Variants in ADAMTS17 observed in about 807,000 individuals in gnomAD.
The protein encoded by ADAMTS17 is ADAM metallopeptidase with thrombospondin type 1 motif 17.
In ADAMTS17, 113 loss-of-function variants were observed where a neutral mutation model predicts 141.5. That is an observed-to-expected ratio of 0.80 (90% CI 0.69 to 0.93). The LOEUF is 0.93. Among genes scored for constraint, ADAMTS17 ranks in the 40% least tolerant of loss-of-function variants. The probability of loss-of-function intolerance (pLI) is 0.00; values close to 1 mark genes in which losing one functional copy is unlikely to be tolerated. For synonymous variants in ADAMTS17, 768 were observed against 630.6 expected, an observed-to-expected ratio of 1.22 and a Z score of -3.27; for missense variants, 1,659 against 1,517.9, an observed-to-expected ratio of 1.09 and a Z score of -1.54.
chr15:99,997,446 G>A lies in ADAMTS17; in HGVS notation c.2735C>T (p.Ala912Val), dbSNP rs776589136. 4.8e-5 allele frequency: 78 copies of A among 1,613,520 alleles called. No individual in the cohort carries two copies. The highest frequency in any genetic ancestry group is 6.2e-5 in the Non-Finnish European group (73 of 1,179,994). ...GTCCTGGCCTTCACAGCTCTGCACT[G>A]CCGCCGGCCGGGGGCCCGGGCAGTA... ...PLYCPGPRPA[A>V]VQSCEGQDCL... Residue 912 changes from alanine to valine, a missense_variant, in exon 19 of 22, where the codon GCA becomes GTA. By Grantham distance (64) the Ala-to-Val change is moderately conservative (BLOSUM62 0). Coordinates refer to ENST00000268070, the MANE Select transcript of ADAMTS17 (RefSeq NM_139057.4). The surrounding 1 kb of genome is among the most constrained non-coding windows in gnomAD (Gnocchi z 4.7).
chr15:100,133,416 A>C, intron 10 of ADAMTS17, 101 bp from the exon 11 acceptor site: 1 of 1,170,330 alleles, frequency 8.5e-7, no homozygotes, highest in Non-Finnish European at 1.2e-6. Context: ...CAAATTTGGG[A>C]TTCGAAACGT....
chr15:100,281,208 G>A, intron 4 of ADAMTS17, 21 bp downstream of exon 4: 1 of 1,601,426 alleles, frequency 6.2e-7, no homozygotes, highest in Non-Finnish European at 8.5e-7. Context: ...CCCCACATCA[G>A]GACCCCGGCT....
chr15:100,177,272 G>GT (rs201608706), intron 8 of ADAMTS17, among the ~76,000 whole-genome samples: 1 of 152,212 alleles, frequency 6.6e-6, no homozygotes, highest in East Asian at 1.9e-4. Flanking sequence ...CTTTTCTAAT[G>GT]TAAGCACTTA....
At chr15:100,199,731 G>C (rs529821613) in intron 7 of ADAMTS17, among the ~76,000 whole-genome samples, 1 of 152,162 alleles carries the variant, frequency 6.6e-6, no homozygotes, top group Non-Finnish European at 1.5e-5. Context: ...GGAAAGGAAA[G>C]GTAACTCTCC....
rs10664668 is a variant in ADAMTS17 at position 100,152,827 on chromosome 15, C to CTTTTT, written c.1323-70_1323-66dup. ...GCCTAGGTTTTTTTGTTTTCTTTTT[C>CTTTTT]TTTTTTTTTTTGAGTTTTCAGTCAC... On this transcript the variant is annotated intron_variant, in intron 9 of 21. Coordinates refer to ENST00000268070, the MANE Select transcript of ADAMTS17 (RefSeq NM_139057.4). The CTTTTT allele has an allele frequency of 5.6e-6, 8 of 1,423,734 alleles. No individual in the cohort carries two copies. The African/African-American group carries it at 5.8e-5, about 10-fold the overall frequency. 88.2% of individuals were successfully genotyped at this position (1,423,734 alleles called of 1,614,324 possible).
intron 2 of ADAMTS17, among the ~76,000 whole-genome samples, chr15:100,334,183 G>A (rs2046138060): frequency 6.6e-6 from 1 of 152,204 alleles, no homozygotes; most frequent in Non-Finnish European, 1.5e-5. Context: ...AGCTCTCACT[G>A]CAGTGTGGAA....
intron 8 of ADAMTS17, among the ~76,000 whole-genome samples, chr15:100,157,449 G>C (rs2039487647): frequency 6.6e-6 from 1 of 152,130 alleles, no homozygotes; most frequent in Non-Finnish European, 1.5e-5. Flanking sequence ...AATTGCTCAA[G>C]TGACCAACTA....
chr15:99,975,560 T>G lies in ADAMTS17; in HGVS notation c.3127+485A>C, dbSNP rs929326329. ...CTTGTATCACCACTGACCTGGGGCA[T>G]GAACTGGTAAGAGGCCAGGTTCCGA... On this transcript the variant is annotated intron_variant, in intron 21 of 21. Transcript: ENST00000268070. 3.9e-5 allele frequency among the ~76,000 whole-genome samples: 6 copies of G among 152,084 alleles called. No individual in the cohort carries two copies. In the East Asian group the frequency reaches 1.2e-3, roughly 29 times the overall value.
At chr15:100,074,248 G>A (rs554547899) in intron 15 of ADAMTS17, 2 of 152,530 alleles carry the variant, frequency 1.3e-5, no homozygotes, top group African/African-American at 2.4e-5. Flanking sequence ...AATATTCCTG[G>A]AGAGAATGTA....
chr15:100,199,605 CAAT>C (rs780452509), intron 7 of ADAMTS17, among the ~76,000 whole-genome samples, 182 bp from the exon 8 acceptor site: 132 of 152,300 alleles, frequency 8.7e-4, no homozygotes, highest in African/African-American at 3.1e-3. Flanking sequence ...CCCAATAAAA[CAAT>C]AACCACCGCA....
intron 18 of ADAMTS17, among the ~76,000 whole-genome samples, chr15:100,006,220 T>C (rs1163295692): frequency 6.6e-6 from 1 of 152,156 alleles, no homozygotes; most frequent in African/African-American, 2.4e-5. Flanking sequence ...CTTAACACCA[T>C]CTGCAACCTT....
At chr15:100,163,008 G>A (rs183218719) in intron 8 of ADAMTS17, among the ~76,000 whole-genome samples, 3 of 142,338 alleles carry the variant, frequency 2.1e-5, no homozygotes, top group African/African-American at 5.3e-5. Flanking sequence ...GTATATATGT[G>A]TATATATAAC....
At chr15:100,065,718 T>C (rs2033469001) in intron 15 of ADAMTS17, among the ~76,000 whole-genome samples, 1 of 152,156 alleles carries the variant, frequency 6.6e-6, no homozygotes, top group African/African-American at 2.4e-5. Context: ...CTTGTTTAAA[T>C]TTTACTTTAA....
intron 20 of ADAMTS17, among the ~76,000 whole-genome samples, chr15:99,988,569 C>T (rs1372287167): frequency 1.3e-5 from 2 of 152,244 alleles, no homozygotes; most frequent in Non-Finnish European, 2.9e-5. Flanking sequence ...GAGGCCCTCA[C>T]ATCCCACAAA....
At position 100,142,802 on chromosome 15, in the gene ADAMTS17, T is replaced by C. The variant is rs111669956; in HGVS notation, c.1474-9487A>G. 2.1e-4 allele frequency among the ~76,000 whole-genome samples: 32 copies of C among 152,198 alleles called. 1 individual carries two copies. The highest frequency in any genetic ancestry group is 1.5e-3 in the Admixed American group (23 of 15,282). On this transcript the variant is annotated intron_variant, in intron 10 of 21. Coordinates refer to ENST00000268070, the MANE Select transcript of ADAMTS17 (RefSeq NM_139057.4). ...GGAGGGAGTATTACGTAGAAACAATTGTCTAAGACCTTCCAATGCCTATAA... is the reference window on the plus strand; with the variant it reads ...GGAGGGAGTATTACGTAGAAACAATCGTCTAAGACCTTCCAATGCCTATAA...
At chr15:100,273,003 T>C (rs1310359099) in intron 4 of ADAMTS17, among the ~76,000 whole-genome samples, 2 of 152,182 alleles carry the variant, frequency 1.3e-5, no homozygotes, top group Non-Finnish European at 2.9e-5. Flanking sequence ...TTTATTGATT[T>C]GCCTATGTTG....
intron 3 of ADAMTS17, among the ~76,000 whole-genome samples, chr15:100,330,185 C>G (rs146862607): frequency 2.3e-3 from 343 of 152,304 alleles, no homozygotes; most frequent in African/African-American, 7.6e-3. Flanking sequence ...GTTCTCCCCC[C>G]ACACTGCATC....
At chr15:100,110,949 G>A (rs1243372353) in intron 13 of ADAMTS17, among the ~76,000 whole-genome samples, 3 of 152,186 alleles carry the variant, frequency 2.0e-5, no homozygotes, top group Non-Finnish European at 4.4e-5. Context: ...CCTGTCCCAC[G>A]AAGTCTGCTT....
At chr15:100,205,511 G>A (rs977212080) in intron 7 of ADAMTS17, among the ~76,000 whole-genome samples, 48 of 152,172 alleles carry the variant, frequency 3.2e-4, no homozygotes, top group African/African-American at 1.1e-3. Context: ...GACCCATCAC[G>A]TGGGAGGGGT....
Sources: allele counts gnomAD v4.1 joint callset (sites outside exome capture counted in the v4.1 genomes callset), GRCh38; gene constraint gnomAD v4.1.1; non-coding constraint Gnocchi (gnomAD v3.1); transcripts MANE v1.5; gene names NCBI Gene and HGNC (gene_info 2026-07-23, HGNC 2026-07-21).